The following TREH variants were observed in gnomAD, a reference collection of about 807,000 sequenced individuals.
TREH encodes the protein alpha,alpha-trehalose glucohydrolase.
In TREH, 69 loss-of-function variants were observed where a neutral mutation model predicts 80.5. The observed-to-expected ratio is 0.86, with a 90% CI of 0.71 to 1.05. The LOEUF is 1.05. Ranked by LOEUF, TREH falls within the 50% of genes least tolerant of loss-of-function variation. The pLI, the probability that TREH is intolerant of heterozygous loss-of-function variation, is 0.00. For missense variants in TREH, 716 were observed against 718.8 expected, an observed-to-expected ratio of 1.00 and a Z score of 0.04; for synonymous variants, 309 against 293.5, an observed-to-expected ratio of 1.05 and a Z score of -0.54.
Position 118,661,328 on chromosome 11 carries a change from C to T in TREH, c.735-46G>A, listed in dbSNP as rs782045196. 6.2e-7 allele frequency: 1 copy of T among 1,613,934 alleles called. No homozygotes were observed. The highest frequency in any genetic ancestry group is 8.5e-7 in the Non-Finnish European group (1 of 1,179,822). The stretch of plus-strand genomic sequence containing the variant: ...CCTCAGCCCAGGCGTGCTGCCCATC[C>T]CCAGCCCTGAGAGGTCTGAGGGATG... On this transcript the variant is annotated intron_variant, in intron 7 of 14. Transcript: ENST00000264029. This position sits in a 1 kb window ranked among gnomAD's most constrained non-coding sequence, Gnocchi z 4.2.
intron 1 of TREH, 26 bp downstream of exon 1, chr11:118,679,513 C>T: frequency 6.8e-7 from 1 of 1,469,816 alleles, no homozygotes; most frequent in Admixed American, 2.6e-5. Flanking sequence ...TGCCATCCTC[C>T]CCTGCTGCCT....
chr11:118,662,901 A>G lies in TREH; in HGVS notation c.403T>C (p.Trp135Arg). The change falls in exon 4 of 15, where the codon TGG becomes CGG. Residue 135 changes from tryptophan to arginine, a missense_variant. Physicochemically the swap from Trp to Arg is moderately radical, Grantham distance 101 (BLOSUM62 -3). Coordinates refer to ENST00000264029, the MANE Select transcript of TREH (RefSeq NM_007180.3). ...RAWAGQLHQLWKKLGKKMKPE... is the reference protein window; with the variant it reads ...RAWAGQLHQLRKKLGKKMKPE... ...GATACCTTCTTCCCCAGCTTCTTCCAGAGCTGATGCAGCTGCCCTGCCCAG... is the reference window on the plus strand; with the variant it reads ...GATACCTTCTTCCCCAGCTTCTTCCGGAGCTGATGCAGCTGCCCTGCCCAG... The G allele has an allele frequency of 6.3e-7, 1 of 1,598,666 alleles. No individual in the cohort carries two copies. The highest frequency in any genetic ancestry group is 8.5e-7 in the Non-Finnish European group (1 of 1,172,474).
intron 13 of TREH, 51 bp from the exon 14 acceptor site, chr11:118,658,784 GAAC>G: frequency 1.9e-6 from 3 of 1,611,860 alleles, no homozygotes; most frequent in East Asian, 2.2e-5. Context: ...CCAGCTCCAG[GAAC>G]AACAAACAAC....
chr11:118,671,507 TAAAA>T (rs1171069043), intron 1 of TREH, among the ~76,000 whole-genome samples: 1 of 150,686 alleles, frequency 6.6e-6, no homozygotes, highest in East Asian at 2.0e-4. Context: ...CAAGAGAAAA[TAAAA>T]AACAAAGAAG....
At chr11:118,659,568 G>A (rs779137111) in intron 11 of TREH, 87 bp from the exon 12 acceptor site, 1 of 1,366,010 alleles carries the variant, frequency 7.3e-7, no homozygotes. Flanking sequence ...GAAGCCAGAC[G>A]TCCCCTTCCT....
intron 1 of TREH, among the ~76,000 whole-genome samples, chr11:118,668,117 G>A (rs1014337517): frequency 2.0e-5 from 3 of 151,976 alleles, no homozygotes; most frequent in Admixed American, 1.3e-4. Context: ...CAGCTGCCTC[G>A]ACCTCCTAAA....
intron 1 of TREH, among the ~76,000 whole-genome samples, chr11:118,666,493 T>C (rs1360871246): frequency 1.3e-5 from 2 of 152,246 alleles, no homozygotes; most frequent in African/African-American, 4.8e-5. Context: ...TGAGTGGCAC[T>C]GCTCTGAGAT....
At chr11:118,664,488 G>A (rs1949358804) in intron 1 of TREH, among the ~76,000 whole-genome samples, 1 of 152,242 alleles carries the variant, frequency 6.6e-6, no homozygotes, top group South Asian at 2.1e-4. Flanking sequence ...ATAACCCTAT[G>A]GAAAGGTAAG....
chr11:118,668,314 G>A (rs7483149), intron 1 of TREH, among the ~76,000 whole-genome samples: 151,619 of 151,620 alleles, frequency 1, 75,809 homozygotes, highest in Middle Eastern at 1. Flanking sequence ...ATAAAACTAT[G>A]GGCCAGTATC....
intron 1 of TREH, among the ~76,000 whole-genome samples, chr11:118,669,750 G>A (rs567980285): frequency 6.6e-6 from 1 of 152,226 alleles, no homozygotes; most frequent in East Asian, 1.9e-4. Flanking sequence ...ATGGTTAATG[G>A]TACAAAAAAA....
In TREH at chr11:118,657,950, T is replaced by G; in HGVS notation, c.*339A>C. On this transcript the variant is annotated 3_prime_UTR_variant, in exon 15 of 15. Coordinates refer to ENST00000264029, the MANE Select transcript of TREH (RefSeq NM_007180.3). ...GCTCTCCTTCCCAGCATTGAGCCCT[T>G]GGTTGCCTGGGCCCAGGCTGGGGGT... The G allele has an allele frequency of 9.7e-5, 24 of 246,594 alleles. No homozygotes were observed. Among genetic ancestry groups the G allele is most frequent in the East Asian group, 2.6e-4 (3 of 11,698 alleles). The allele number at this position is 246,594 out of a possible 1,614,324, so 15.3% of individuals were successfully genotyped here. A position where few individuals can be genotyped will look rare whatever the true frequency, so the allele number is the denominator to read the frequency against.
chr11:118,661,332 G>T lies in TREH; in HGVS notation c.735-50C>A, dbSNP rs782733629. ...AGCCCAGGCGTGCTGCCCATCCCCA[G>T]CCCTGAGAGGTCTGAGGGATGGGTG... On this transcript the variant is annotated intron_variant, in intron 7 of 14. Transcript: ENST00000264029. The surrounding 1 kb of genome is among the most constrained non-coding windows in gnomAD (Gnocchi z 4.2). 6.2e-7 allele frequency: 1 copy of T among 1,613,952 alleles called. No individual in the cohort carries two copies. The highest frequency in any genetic ancestry group is 1.7e-5 in the Admixed American group (1 of 60,026).
Position 118,659,900 on chromosome 11 carries a change from T to C in TREH, c.1167A>G (p.Thr389=). 2 of 1,551,834 alleles carry C rather than the reference T, an allele frequency of 1.3e-6. No individual in the cohort carries two copies. Among genetic ancestry groups the C allele is most frequent in the South Asian group, 2.4e-5 (2 of 84,074 alleles). Residue 389 remains threonine (T), a synonymous_variant, in exon 11 of 15, where the codon ACA becomes ACG. Transcript: ENST00000264029. The part of the protein sequence containing the change: ...LRSQRLAALN[T]VLWDEQTGAW... The stretch of plus-strand genomic sequence containing the variant: ...CTCCGGTCTGCTCATCCCACAGGAC[T>C]GTGTTCAGGGCGGCCAAGCGCTGCG...
At chr11:118,662,752 C>T in intron 4 of TREH, 129 bp downstream of exon 4, 2 of 1,048,316 alleles carry the variant, frequency 1.9e-6, no homozygotes, top group Non-Finnish European at 2.8e-6. Flanking sequence ...ATTTGGGGAC[C>T]CAGGGGCCAG....
chr11:118,672,113 A>C (rs1003732418), intron 1 of TREH, among the ~76,000 whole-genome samples: 2 of 152,160 alleles, frequency 1.3e-5, no homozygotes. Flanking sequence ...ATAAGAAACC[A>C]CCTGGGCCGG....
At chr11:118,668,508 G>A (rs767906652) in intron 1 of TREH, among the ~76,000 whole-genome samples, 18 of 121,958 alleles carry the variant, frequency 1.5e-4, no homozygotes, top group Non-Finnish European at 3.2e-5. Context: ...AGGTTGCAGA[G>A]CCGTGATTGT....
At chr11:118,673,249 C>T (rs1457048009) in intron 1 of TREH, among the ~76,000 whole-genome samples, 8 of 152,128 alleles carry the variant, frequency 5.3e-5, no homozygotes, top group Non-Finnish European at 1.2e-4. Flanking sequence ...ATCTTTTGTT[C>T]TGACCCTTTT....
chr11:118,675,987 G>A (rs1949475079), intron 1 of TREH, among the ~76,000 whole-genome samples: 1 of 152,210 alleles, frequency 6.6e-6, no homozygotes. Context: ...ACAGGCATGA[G>A]CCACTGTGCC....
At chr11:118,676,461 G>A (rs573304045) in intron 1 of TREH, among the ~76,000 whole-genome samples, 222 of 149,380 alleles carry the variant, frequency 1.5e-3, no homozygotes, top group Non-Finnish European at 2.1e-3. Context: ...GTGACAGAGT[G>A]AGACCCTGTC....
Sources: gnomAD v4.1 joint callset for allele counts (sites outside exome capture counted in the v4.1 genomes callset) on GRCh38, gnomAD v4.1.1 for gene constraint, Gnocchi (gnomAD v3.1) non-coding constraint, MANE v1.5 for transcripts, NCBI Gene and HGNC (gene_info 2026-07-23, HGNC 2026-07-21) for gene names.